Variants in RARB observed in about 807,000 individuals in gnomAD.
The protein encoded by RARB is retinoic acid receptor beta.
RARB carries 17 observed loss-of-function variants against 51.9 expected under a neutral mutation model. That is an observed-to-expected ratio of 0.33 (90% CI 0.22 to 0.49). The LOEUF (loss-of-function observed/expected upper bound fraction) is 0.49. Ranked by LOEUF, RARB falls within the 20% of genes least tolerant of loss-of-function variation. The pLI is 0.99. For synonymous variants in RARB, 215 were observed against 195.4 expected (o/e 1.10, Z -0.84); for missense variants, 369 against 550.8 (o/e 0.67, Z 3.30).
intron 5 of RARB, among the ~76,000 whole-genome samples, chr3:25,299,433 C>G (rs1703989330): frequency 6.6e-6 from 1 of 152,084 alleles, no homozygotes; most frequent in Non-Finnish European, 1.5e-5. Context: ...CTCTTGCACT[C>G]AAGCAATCCT....
intron 2 of RARB, among the ~76,000 whole-genome samples, chr3:24,933,939 C>A (rs1214996119): frequency 1.3e-5 from 2 of 152,218 alleles, no homozygotes; most frequent in East Asian, 1.9e-4. Flanking sequence ...ACAAGGTAAT[C>A]AACTGTATAC....
At chr3:25,456,443 A>G (rs1002491154) in intron 1 of RARB, among the ~76,000 whole-genome samples, 4 of 152,006 alleles carry the variant, frequency 2.6e-5, no homozygotes, top group African/African-American at 9.7e-5. Flanking sequence ...GCATTAAAGT[A>G]CAAATCTTTT....
chr3:25,212,997 G>C (rs937112846), intron 5 of RARB, among the ~76,000 whole-genome samples: 5 of 152,274 alleles, frequency 3.3e-5, no homozygotes, highest in African/African-American at 1.2e-4. Context: ...CTCAGGAGAA[G>C]CTCTCAGGTT....
rs374770716 is a variant in RARB, at chr3:25,461,178, C to A, written c.158-15C>A. 4.1e-4 allele frequency: 636 copies of A among 1,560,664 alleles called. No individual in the cohort carries two copies. Among genetic ancestry groups the A allele is most frequent in the Non-Finnish European group, 5.1e-4 (594 of 1,154,598 alleles). ...ATTTTCTCTTTTTTCTCCCTCTACC[C>A]CATCTCTATTATAGCAATTGAAACA... On this transcript the variant is annotated splice_polypyrimidine_tract_variant and intron_variant, in intron 1 of 7. Transcript: ENST00000330688.
At chr3:25,580,748 G>C in intron 5 of RARB, 26 bp downstream of exon 5, 1 of 1,572,610 alleles carries the variant, frequency 6.4e-7, no homozygotes, top group Non-Finnish European at 8.7e-7. Flanking sequence ...AGCTCTCAAT[G>C]GGTCTGGGGA....
At chr3:25,515,511 G>T (rs183595034) in intron 3 of RARB, among the ~76,000 whole-genome samples, 45 of 152,298 alleles carry the variant, frequency 3.0e-4, no homozygotes, top group African/African-American at 5.1e-4. Flanking sequence ...CAATCCTGGG[G>T]GGGAGGGGGA....
intron 2 of RARB, among the ~76,000 whole-genome samples, chr3:24,932,848 C>A (rs929995437): frequency 3.3e-5 from 5 of 152,008 alleles, no homozygotes; most frequent in African/African-American, 1.2e-4. Flanking sequence ...CATGGAGGTG[C>A]TAATCTCTGT....
intron 2 of RARB, among the ~76,000 whole-genome samples, chr3:24,913,705 C>T (rs1358459858): frequency 6.6e-6 from 1 of 152,008 alleles, no homozygotes; most frequent in Non-Finnish European, 1.5e-5. Context: ...CAATAGCCAA[C>T]AAAAAATTAA....
intron 2 of RARB, among the ~76,000 whole-genome samples, chr3:25,050,914 A>G (rs143661089): frequency 6.6e-6 from 1 of 152,324 alleles, no homozygotes; most frequent in African/African-American, 2.4e-5. Flanking sequence ...TCAACTCAAC[A>G]GAGTTTAATG....
intron 2 of RARB, among the ~76,000 whole-genome samples, chr3:25,476,894 A>G (rs903477543): frequency 2.0e-5 from 3 of 152,208 alleles, no homozygotes; most frequent in Non-Finnish European, 4.4e-5. Flanking sequence ...TGTAAGTGCT[A>G]TGAGAATAGG....
At chr3:25,457,850 G>A (rs544399524) in intron 1 of RARB, among the ~76,000 whole-genome samples, 7 of 152,182 alleles carry the variant, frequency 4.6e-5, no homozygotes, top group Middle Eastern at 3.4e-3. Context: ...TGTTCTACAC[G>A]AACGAGTAGG....
intron 5 of RARB, among the ~76,000 whole-genome samples, chr3:25,588,033 G>C (rs778681946): frequency 7.9e-5 from 12 of 152,190 alleles, no homozygotes; most frequent in Non-Finnish European, 1.8e-4. Flanking sequence ...AGACACAACA[G>C]AGAGCAAGAC....
At chr3:25,317,590 C>T (rs1301055888) in intron 5 of RARB, among the ~76,000 whole-genome samples, 1 of 151,962 alleles carries the variant, frequency 6.6e-6, no homozygotes, top group Non-Finnish European at 1.5e-5. Context: ...ATTACAGAGA[C>T]CTCACAATCC....
chr3:25,544,733 G>C (rs1262897702), intron 3 of RARB, among the ~76,000 whole-genome samples: 1 of 152,128 alleles, frequency 6.6e-6, no homozygotes, highest in Non-Finnish European at 1.5e-5. Context: ...ATCTCCAAGG[G>C]GCTGCTACCT....
chr3:25,046,179 G>T (rs1286271999), intron 2 of RARB, among the ~76,000 whole-genome samples: 1 of 152,184 alleles, frequency 6.6e-6, no homozygotes, highest in Non-Finnish European at 1.5e-5. Context: ...GAAAAAAACC[G>T]CTGGGCCTGT....
Position 24,865,559 on chromosome 3 carries a change from C to T in RARB, c.-380+6807C>T, listed in dbSNP as rs1230207409. On this transcript the variant is annotated intron_variant, in intron 2 of 11. Transcript: ENST00000383772. ...ACCCAAGCAGTCTGGTTCCAGAGACCGTGCTTTACTGAGTCTCACGTAGCC... is the reference window on the plus strand; with the variant it reads ...ACCCAAGCAGTCTGGTTCCAGAGACTGTGCTTTACTGAGTCTCACGTAGCC... 2.0e-5 allele frequency among the ~76,000 whole-genome samples: 3 copies of T among 152,184 alleles called. No homozygotes were observed. The East Asian group carries it at 5.8e-4, about 29-fold the overall frequency.
intron 2 of RARB, among the ~76,000 whole-genome samples, chr3:24,948,379 C>T (rs981082814): frequency 4.6e-5 from 7 of 152,184 alleles, no homozygotes; most frequent in African/African-American, 1.7e-4. Flanking sequence ...GTTTTCTTTT[C>T]ACCTGCAAGA....
intron 3 of RARB, among the ~76,000 whole-genome samples, chr3:25,545,726 G>C (rs554951664): frequency 2.6e-5 from 4 of 152,122 alleles, no homozygotes; most frequent in Non-Finnish European, 5.9e-5. Context: ...TCTCCTCCCT[G>C]CCCAGCACAC....
At chr3:25,382,056 G>T (rs969651334) in intron 5 of RARB, among the ~76,000 whole-genome samples, 1 of 152,156 alleles carries the variant, frequency 6.6e-6, no homozygotes, top group African/African-American at 2.4e-5. Context: ...TTCTAACTGA[G>T]GAACATTAGC....
Sources: gnomAD v4.1 joint callset for allele counts (sites outside exome capture counted in the v4.1 genomes callset) on GRCh38, gnomAD v4.1.1 for gene constraint, MANE v1.5 for transcripts, NCBI Gene and HGNC (gene_info 2026-07-23, HGNC 2026-07-21) for gene names.